DOCK1: variants seen among roughly 807,000 people sequenced by gnomAD.
DOCK1 encodes dedicator of cytokinesis 1, also known as dedicator of cytokinesis protein 1.
DOCK1 carries 138 observed loss-of-function variants against 262.7 expected under a neutral mutation model. The ratio of observed to expected loss-of-function variants is 0.53; its 90% CI spans 0.46 to 0.61. DOCK1 has a LOEUF of 0.61. Among genes scored for constraint, DOCK1 ranks in the 20% least tolerant of loss-of-function variants. The probability of loss-of-function intolerance (pLI) is 0.00; values close to 1 mark genes in which losing one functional copy is unlikely to be tolerated. For synonymous variants in DOCK1, 866 were observed against 867.4 expected (o/e 1.00, Z 0.03); for missense variants, 1,908 against 2,370.7 (o/e 0.80, Z 4.05).
In DOCK1 at chr10:127,278,514, G is replaced by C. The variant is rs536667501; in HGVS notation, c.3044+21085G>C. Among the ~76,000 whole-genome samples, 168 of 152,272 alleles carry C rather than the reference G, an allele frequency of 1.1e-3. 3 individuals are homozygous for C. The highest frequency in any genetic ancestry group is 3.8e-3 in the African/African-American group (159 of 41,558). On this transcript the variant is annotated intron_variant, in intron 29 of 51. Transcript: ENST00000623213. ...CTCTCATCCAATCTGAGAGAATTAA[G>C]CAAGGGTGAGGGAGTTGCAGCTGGC...
chr10:127,360,884 G>A (rs755412606), intron 32 of DOCK1, among the ~76,000 whole-genome samples: 6 of 152,194 alleles, frequency 3.9e-5, no homozygotes, highest in African/African-American at 4.8e-5. Flanking sequence ...CACTTTCCTC[G>A]TCTGTTTAAC....
chr10:127,384,038 C>T (rs188825315), intron 37 of DOCK1, among the ~76,000 whole-genome samples: 1 of 152,310 alleles, frequency 6.6e-6, no homozygotes, highest in East Asian at 1.9e-4. Flanking sequence ...ATCGCACCAT[C>T]CTGGGAGTCA....
At chr10:126,954,220 A>G (rs915478574) in intron 1 of DOCK1, among the ~76,000 whole-genome samples, 5,637 of 152,340 alleles carry the variant, frequency 0.037, 138 homozygotes, top group East Asian at 0.066. Flanking sequence ...AACATTGCTC[A>G]TCAGGCTCAG....
intron 29 of DOCK1, among the ~76,000 whole-genome samples, chr10:127,319,607 A>G (rs2062430875): frequency 6.6e-6 from 1 of 152,222 alleles, no homozygotes; most frequent in African/African-American, 2.4e-5. Context: ...AGTTACATGG[A>G]AAGTGGAACT....
At chr10:127,432,556 G>A (rs993455962) in intron 47 of DOCK1, among the ~76,000 whole-genome samples, 1 of 152,114 alleles carries the variant, frequency 6.6e-6, no homozygotes, top group African/African-American at 2.4e-5. Flanking sequence ...CATCTGGCTC[G>A]GGGTGCAGGT....
chr10:127,176,025 T>C lies in DOCK1; in HGVS notation c.2847+48261T>C, dbSNP rs1350543369. 3 of 1,614,062 alleles carry C rather than the reference T, an allele frequency of 1.9e-6. No homozygotes were observed. The highest frequency in any genetic ancestry group is 1.7e-6 in the Non-Finnish European group (2 of 1,180,042). On this transcript the variant is annotated intron_variant, in intron 27 of 51. Transcript: ENST00000623213. This position sits in a 1 kb window ranked among gnomAD's most constrained non-coding sequence, Gnocchi z 4.4. ...AGCTGGGAGGCTTTTGAGGTTCCCC[T>C]TTTTGCGGTCCAGAGGGAACGTCTG...
intron 29 of DOCK1, among the ~76,000 whole-genome samples, chr10:127,298,914 G>C (rs780051546): frequency 6.6e-6 from 1 of 152,166 alleles, no homozygotes; most frequent in African/African-American, 2.4e-5. Context: ...TAATTCGGAT[G>C]ATCTCGAGGT....
chr10:127,332,049 T>C (rs984058609), intron 29 of DOCK1, among the ~76,000 whole-genome samples: 4 of 152,180 alleles, frequency 2.6e-5, no homozygotes, highest in African/African-American at 9.7e-5. Context: ...CAGGATTTCT[T>C]ACCTTTGGCC....
intron 27 of DOCK1, among the ~76,000 whole-genome samples, chr10:127,203,362 T>C (rs2057558170): frequency 1.3e-5 from 2 of 152,238 alleles, no homozygotes; most frequent in African/African-American, 4.8e-5. Context: ...ACACTGTGCA[T>C]ATAATTCTAA....
intron 19 of DOCK1, among the ~76,000 whole-genome samples, chr10:127,038,701 GC>G (rs1304851685): frequency 9.2e-5 from 14 of 152,118 alleles, no homozygotes; most frequent in Admixed American, 8.5e-4. Context: ...TGTGGCCTCA[GC>G]ATCTTTATCT....
At chr10:127,448,755 CAT>C (rs1412495249) in intron 51 of DOCK1, among the ~76,000 whole-genome samples, 1 of 151,766 alleles carries the variant, frequency 6.6e-6, no homozygotes, top group African/African-American at 2.4e-5. Context: ...ACATTGAAAA[CAT>C]GAGATTGTTG....
intron 39 of DOCK1, among the ~76,000 whole-genome samples, chr10:127,403,652 G>C (rs770342124): frequency 6.6e-5 from 10 of 152,178 alleles, no homozygotes; most frequent in Non-Finnish European, 1.0e-4. Flanking sequence ...CTGGCTACTT[G>C]GGAGGCTGAG....
Position 127,409,028 on chromosome 10 carries a change from C to T in DOCK1, c.4123-9C>T. 1 of 1,575,168 alleles carries T rather than the reference C, an allele frequency of 6.3e-7. No individual in the cohort carries two copies. The highest frequency in any genetic ancestry group is 8.6e-7 in the Non-Finnish European group (1 of 1,159,496). On this transcript the variant is annotated splice_polypyrimidine_tract_variant and intron_variant, in intron 40 of 51. Transcript: ENST00000623213. Reference sequence around the variant, plus strand: ...TGTGGTGTTATGAAATGAATGTCACCCTTTTCAGGGAAAAGTTTTCATTTA... The same window carrying T: ...TGTGGTGTTATGAAATGAATGTCACTCTTTTCAGGGAAAAGTTTTCATTTA...
chr10:126,947,278 GTGA>G (rs1254006668), intron 1 of DOCK1, among the ~76,000 whole-genome samples: 1 of 146,012 alleles, frequency 6.8e-6, no homozygotes, highest in African/African-American at 2.5e-5. Context: ...ACTGTTGGTG[GTGA>G]TGGTGGTGGT....
rs1312798164 is a variant in DOCK1, at chr10:127,280,120, C to T, written c.3044+22691C>T. Among the ~76,000 whole-genome samples, 18 of 149,338 alleles carry T rather than the reference C, an allele frequency of 1.2e-4. No individual in the cohort carries two copies. In the East Asian group the frequency reaches 3.3e-3, roughly 28 times the overall value. ...CGCGATCTCGGCTCACTGCAAGCTCCGCCTCCCGGGTTCACGCCATTCTCC... is the reference window on the plus strand; with the variant it reads ...CGCGATCTCGGCTCACTGCAAGCTCTGCCTCCCGGGTTCACGCCATTCTCC... On this transcript the variant is annotated intron_variant, in intron 29 of 51. Coordinates refer to ENST00000623213, the MANE Select transcript of DOCK1 (RefSeq NM_001290223.2).
chr10:127,395,197 G>A (rs2066749361), intron 38 of DOCK1, among the ~76,000 whole-genome samples: 1 of 152,056 alleles, frequency 6.6e-6, no homozygotes, highest in African/African-American at 2.4e-5. Context: ...CCACAGACTG[G>A]GTGGTTTATA....
chr10:127,368,406 A>G (rs565696418), intron 33 of DOCK1, among the ~76,000 whole-genome samples: 2 of 152,194 alleles, frequency 1.3e-5, no homozygotes, highest in South Asian at 4.1e-4. Context: ...CTGGTGCCTA[A>G]GGGCACATTC....
chr10:127,018,495 C>T lies in DOCK1; in HGVS notation c.1202-215C>T, dbSNP rs78034782. On this transcript the variant is annotated intron_variant, in intron 12 of 51. Coordinates refer to ENST00000623213, the MANE Select transcript of DOCK1 (RefSeq NM_001290223.2). The stretch of plus-strand genomic sequence containing the variant: ...GTGCGTTCAGCTGTCTGTGAGTCAC[C>T]CTAGGGCAGGGCTGGCATCCCAGCT... 1.4e-3 allele frequency: 857 copies of T among 622,070 alleles called. 4 individuals carry two copies. In the African/African-American group the frequency reaches 0.015, roughly 11 times the overall value. The allele number at this position is 622,070 out of a possible 1,614,324, so 38.5% of individuals were successfully genotyped here. A position where few individuals can be genotyped will look rare whatever the true frequency, so the allele number is the denominator to read the frequency against.
At chr10:126,949,401 C>T (rs2035974322) in intron 1 of DOCK1, among the ~76,000 whole-genome samples, 1 of 152,090 alleles carries the variant, frequency 6.6e-6, no homozygotes, top group South Asian at 2.1e-4. Context: ...TCCCTTCAGC[C>T]CTGAGCCTTT....
Sources: gnomAD v4.1 joint callset for allele counts (sites outside exome capture counted in the v4.1 genomes callset) on GRCh38, gnomAD v4.1.1 for gene constraint, Gnocchi (gnomAD v3.1) non-coding constraint, MANE v1.5 for transcripts, NCBI Gene and HGNC (gene_info 2026-07-23, HGNC 2026-07-21) for gene names.